Variants in DNAH5 observed in about 807,000 individuals in gnomAD.
DNAH5 encodes the protein dynein axonemal heavy chain 5.
DNAH5 carries 372 observed loss-of-function variants against 518.2 expected under a neutral mutation model. That is an observed-to-expected ratio of 0.72 (90% CI 0.66 to 0.78). The LOEUF (loss-of-function observed/expected upper bound fraction) is 0.78, where lower values mean the gene tolerates loss of function less well. DNAH5 is among the 30% of genes least tolerant of loss of function. The pLI is 0.00. For missense variants in DNAH5, 5,523 were observed against 5,687.0 expected (o/e 0.97, Z 0.93); for synonymous variants, 2,039 against 2,025.9 (o/e 1.01, Z -0.17).
Position 13,719,094 on chromosome 5 carries a change from C to T in DNAH5, c.12287G>A (p.Trp4096Ter), listed in dbSNP as rs1744699899. 1.9e-6 allele frequency: 3 copies of T among 1,613,406 alleles called. No homozygotes were observed. The highest frequency in any genetic ancestry group is 1.7e-6 in the Non-Finnish European group (2 of 1,179,446). The change falls in exon 72 of 79, where the codon TGG becomes TAG. Residue 4096 changes from tryptophan (W) to a stop codon, truncating the protein, a stop_gained. Coordinates refer to ENST00000265104, the MANE Select transcript of DNAH5 (RefSeq NM_001369.3). LOFTEE classifies it high-confidence loss of function. Reference sequence around the variant, plus strand: ...CAGATGGCAGTTCTGCAGAAGTGCCCATCCTCCCTGTCAATAGCAGTAAAC... The same window carrying T: ...CAGATGGCAGTTCTGCAGAAGTGCCTATCCTCCCTGTCAATAGCAGTAAAC... Reference protein sequence around the residue: ...LLQQTMANGGWALLQNCHLGL... With the variant: ...LLQQTMANGG
At position 13,855,490 on chromosome 5, in the gene DNAH5, G is replaced by T. The variant is rs1215954084; in HGVS notation, c.4950+3962C>A. Among the ~76,000 whole-genome samples, 2 of 48,228 alleles carry T rather than the reference G, an allele frequency of 4.1e-5. 1 individual carries two copies. The highest frequency in any genetic ancestry group is 1.1e-4 in the Non-Finnish European group (2 of 18,974). The allele number at this position is 48,228 out of a possible 152,430, so 31.6% of individuals were successfully genotyped here. A position where few individuals can be genotyped will look rare whatever the true frequency, so the allele number is the denominator to read the frequency against. ...CCCAAAGTGCTGGGATTACAGGCGT[G>T]AGCCACCGCGCCCGGCCATAAATCT... On this transcript the variant is annotated intron_variant, in intron 30 of 78. Transcript: ENST00000265104.
chr5:13,714,382 T>C (rs1446197489), intron 75 of DNAH5, 23 bp downstream of exon 75: 7 of 1,611,808 alleles, frequency 4.3e-6, no homozygotes, highest in South Asian at 2.2e-5. Flanking sequence ...AGCTGACATT[T>C]TGTCAGGATT....
chr5:13,742,861 A>C (rs1229404803), intron 65 of DNAH5, among the ~76,000 whole-genome samples: 2 of 152,092 alleles, frequency 1.3e-5, no homozygotes, highest in African/African-American at 2.4e-5. Flanking sequence ...ATTAAATAGA[A>C]ACAAGTGGCC....
chr5:13,782,217 G>A (rs1755270079), intron 52 of DNAH5, among the ~76,000 whole-genome samples: 1 of 152,256 alleles, frequency 6.6e-6, no homozygotes, highest in East Asian at 1.9e-4. Flanking sequence ...CCACAGCCAG[G>A]GAAGCTTCCT....
intron 3 of DNAH5, among the ~76,000 whole-genome samples, chr5:13,924,864 C>T (rs1002859595): frequency 6.6e-6 from 1 of 152,110 alleles, no homozygotes; most frequent in South Asian, 2.1e-4. Context: ...AATTTAAGTA[C>T]ATAGAATACA....
intron 65 of DNAH5, among the ~76,000 whole-genome samples, chr5:13,744,758 A>G (rs959892533): frequency 6.6e-6 from 1 of 152,120 alleles, no homozygotes; most frequent in Admixed American, 6.6e-5. Flanking sequence ...TTATTTGTGT[A>G]CTTAAACTGC....
chr5:13,731,414 C>A (rs771221789), intron 68 of DNAH5, among the ~76,000 whole-genome samples: 1 of 151,972 alleles, frequency 6.6e-6, no homozygotes, highest in Non-Finnish European at 1.5e-5. Context: ...GTGTTCCTCG[C>A]GGGCCAGAGT....
At chr5:13,774,515 C>T (rs186532085) in intron 55 of DNAH5, among the ~76,000 whole-genome samples, 2 of 152,184 alleles carry the variant, frequency 1.3e-5, no homozygotes, top group African/African-American at 2.4e-5. Flanking sequence ...AGGCTGTGGA[C>T]GAGCTTTCCT....
At chr5:13,912,577 G>A (rs1331741838) in intron 11 of DNAH5, among the ~76,000 whole-genome samples, 1 of 151,410 alleles carries the variant, frequency 6.6e-6, no homozygotes, top group Admixed American at 6.6e-5. Context: ...GTATGTGTGT[G>A]TATGTATATA....
At position 13,793,740 on chromosome 5, in the gene DNAH5, A is replaced by T; in HGVS notation, c.8011-12T>A. The T allele has an allele frequency of 6.2e-7, 1 of 1,612,326 alleles. No individual in the cohort carries two copies. Among genetic ancestry groups the T allele is most frequent in the Non-Finnish European group, 8.5e-7 (1 of 1,178,708 alleles). ...ATCTCATTCGTAACCTACAAAAGAC[A>T]ACTTTCAGAATTAAAGCATCATTCC... On this transcript the variant is annotated splice_polypyrimidine_tract_variant and intron_variant, in intron 48 of 78. Transcript: ENST00000265104.
chr5:13,789,662 G>A (rs1756639526), intron 50 of DNAH5, among the ~76,000 whole-genome samples: 2 of 152,176 alleles, frequency 1.3e-5, no homozygotes, highest in Admixed American at 6.6e-5. Flanking sequence ...TATATTCAAT[G>A]ATTCAGTTAA....
chr5:14,004,291 A>G (rs1257972355), intron 1 of DNAH5, among the ~76,000 whole-genome samples: 1 of 152,198 alleles, frequency 6.6e-6, no homozygotes. Flanking sequence ...GAGCAAAGGG[A>G]GAGATCAGTT....
At chr5:13,764,825 G>A (rs1039874106) in intron 59 of DNAH5, among the ~76,000 whole-genome samples, 4 of 152,158 alleles carry the variant, frequency 2.6e-5, no homozygotes, top group Admixed American at 6.5e-5. Flanking sequence ...ACAAAATGAA[G>A]CATATTATAG....
intron 1 of DNAH5, among the ~76,000 whole-genome samples, chr5:13,968,902 T>G (rs1781703853): frequency 1.3e-5 from 2 of 152,222 alleles, no homozygotes; most frequent in African/African-American, 4.8e-5. Context: ...TCAATTCTTC[T>G]TTGAATGTCT....
chr5:13,950,081 T>C (rs957720929), intron 1 of DNAH5, among the ~76,000 whole-genome samples: 3 of 152,248 alleles, frequency 2.0e-5, no homozygotes, highest in South Asian at 4.1e-4. Flanking sequence ...GTTATCTTAA[T>C]ATGATTTCTA....
At chr5:13,703,526 A>G (rs1742399612) in intron 76 of DNAH5, among the ~76,000 whole-genome samples, 1 of 152,190 alleles carries the variant, frequency 6.6e-6, no homozygotes. Flanking sequence ...CATCCATGTG[A>G]ATGATGCATT....
At chr5:13,766,987 G>T (rs1304629031) in intron 58 of DNAH5, among the ~76,000 whole-genome samples, 1 of 151,748 alleles carries the variant, frequency 6.6e-6, no homozygotes, top group African/African-American at 2.4e-5. Context: ...TCTATCAAAA[G>T]ACAGTAACCA....
rs763231103 is a variant in DNAH5 at position 13,829,532 on chromosome 5, C to A, written c.6422G>T (p.Cys2141Phe). 3.1e-6 allele frequency: 5 copies of A among 1,614,176 alleles called. No homozygotes were observed. The highest frequency in any genetic ancestry group is 3.4e-6 in the Non-Finnish European group (4 of 1,180,032). The change falls in exon 38 of 79, where the codon TGT becomes TTT. Residue 2141 changes from cysteine to phenylalanine, a missense_variant. By Grantham distance (205) the Cys-to-Phe change is radical. Transcript: ENST00000265104. ...CACCTGCTTAGAAAGCTGCTCCTCA[C>A]ACAGTTTGTAGAGCGTGAAAAACTT... ...ARKFFTLYKL[C>F]EEQLSKQVHY... is the part of the protein sequence containing the mutation.
chr5:13,826,255 G>A (rs999701344), intron 38 of DNAH5, among the ~76,000 whole-genome samples: 6 of 152,226 alleles, frequency 3.9e-5, no homozygotes, highest in Non-Finnish European at 5.9e-5. Flanking sequence ...GGTGGTAGGA[G>A]TGAGGGAAGT....
Sources: gnomAD v4.1 joint callset for allele counts (sites outside exome capture counted in the v4.1 genomes callset) on GRCh38, gnomAD v4.1.1 for gene constraint, MANE v1.5 for transcripts, NCBI Gene and HGNC (gene_info 2026-07-23, HGNC 2026-07-21) for gene names.